The following ENPP1 variants were observed in gnomAD, a reference collection of about 807,000 sequenced individuals.
ENPP1 encodes the protein ectonucleotide pyrophosphatase/phosphodiesterase 1, also known as ectonucleotide pyrophosphatase/phosphodiesterase family member 1.
Under a neutral mutation model 122.8 loss-of-function variants are expected in ENPP1, and 73 were observed. The observed-to-expected ratio is 0.59, with a 90% CI of 0.49 to 0.72. ENPP1 has a LOEUF of 0.72. Ranked by LOEUF, ENPP1 falls within the 30% of genes least tolerant of loss-of-function variation. The pLI, the probability that ENPP1 is intolerant of heterozygous loss-of-function variation, is 0.00. For synonymous variants in ENPP1, 367 were observed against 391.6 expected, an observed-to-expected ratio of 0.94 and a Z score of 0.74; for missense variants, 978 against 1,128.1, an observed-to-expected ratio of 0.87 and a Z score of 1.91.
intron 1 of ENPP1, among the ~76,000 whole-genome samples, chr6:131,810,200 A>G (rs1299156929): frequency 6.6e-6 from 1 of 152,124 alleles, no homozygotes; most frequent in Non-Finnish European, 1.5e-5. Context: ...TCTACAAAAG[A>G]TACAAAAATT....
chr6:131,846,852 TA>T (rs1444231975), intron 1 of ENPP1, among the ~76,000 whole-genome samples: 1 of 152,222 alleles, frequency 6.6e-6, no homozygotes, highest in Non-Finnish European at 1.5e-5. Context: ...CTTTGTCTTC[TA>T]ACTCACAGAA....
At position 131,873,024 on chromosome 6, in the gene ENPP1, T is replaced by C; in HGVS notation, c.1539T>C (p.Tyr513=). 6.2e-7 allele frequency: 1 copy of C among 1,613,822 alleles called. No individual in the cohort carries two copies. The highest frequency in any genetic ancestry group is 8.5e-7 in the Non-Finnish European group (1 of 1,179,752). The stretch of plus-strand genomic sequence containing the variant: ...ATAGAATTGAGCCCTTGACATTCTA[T>C]TTGGACCCTCAGTGGCAACTTGCAT... ...KSDRIEPLTF[Y]LDPQWQLALN... The change falls in exon 15 of 25, where the codon TAT becomes TAC. Residue 513 remains tyrosine (Y), a synonymous_variant. Transcript: ENST00000647893.
chr6:131,877,299 G>A, intron 18 of ENPP1, 138 bp downstream of exon 18: 1 of 806,164 alleles, frequency 1.2e-6, no homozygotes, highest in Non-Finnish European at 2.1e-6. Context: ...AATTCTAGGG[G>A]GCGCATGTAG....
chr6:131,881,814 C>A (rs562711925), intron 20 of ENPP1, among the ~76,000 whole-genome samples: 5 of 151,938 alleles, frequency 3.3e-5, no homozygotes, highest in African/African-American at 1.2e-4. Context: ...AGGTCAGGAG[C>A]TCAAGACCAG....
intron 1 of ENPP1, among the ~76,000 whole-genome samples, chr6:131,817,754 T>TAC (rs138209749): frequency 0.078 from 11,389 of 146,322 alleles, 478 homozygotes; most frequent in African/African-American, 0.11. Context: ...TCTCTCTCCA[T>TAC]ACACACACAC....
At position 131,871,996 on chromosome 6, in the gene ENPP1, A is replaced by C; in HGVS notation, c.1406-74A>C. 8 of 1,105,474 alleles carry C rather than the reference A, an allele frequency of 7.2e-6. No homozygotes were observed. In the South Asian group the frequency reaches 8.9e-5, roughly 12 times the overall value. 68.5% of individuals were successfully genotyped at this position (1,105,474 alleles called of 1,614,324 possible). On this transcript the variant is annotated intron_variant, in intron 13 of 24. Coordinates refer to ENST00000647893, the MANE Select transcript of ENPP1 (RefSeq NM_006208.3). ...TTTAAATGCAGAGTTTGGATCTGAC[A>C]TTCTATATTTTTGTATTATGTTTTA...
intron 8 of ENPP1, 53 bp from the exon 9 acceptor site, chr6:131,861,542 T>C (rs1585824009): frequency 8.7e-7 from 1 of 1,151,810 alleles, no homozygotes; most frequent in East Asian, 2.3e-5. Context: ...CATACTTTCC[T>C]AAGAGATGAA....
At chr6:131,830,818 A>C (rs1349193008) in intron 1 of ENPP1, among the ~76,000 whole-genome samples, 2 of 151,758 alleles carry the variant, frequency 1.3e-5, no homozygotes, top group African/African-American at 4.8e-5. Context: ...AAACAATAAT[A>C]AAAAAAATAG....
At chr6:131,810,747 G>A (rs1181546074) in intron 1 of ENPP1, among the ~76,000 whole-genome samples, 1 of 152,152 alleles carries the variant, frequency 6.6e-6, no homozygotes, top group Non-Finnish European at 1.5e-5. Context: ...CCTTTCAGAG[G>A]CAATCATGTT....
chr6:131,855,074 G>A, intron 6 of ENPP1, 51 bp downstream of exon 6: 2 of 1,258,078 alleles, frequency 1.6e-6, no homozygotes, highest in Non-Finnish European at 2.3e-6. Context: ...CAGTGAGATT[G>A]ACTAGGCAGG....
At chr6:131,867,775 C>T (rs1782108507) in intron 11 of ENPP1, among the ~76,000 whole-genome samples, 1 of 152,160 alleles carries the variant, frequency 6.6e-6, no homozygotes. Flanking sequence ...AGAATTAGGA[C>T]TCTTGCATTG....
At chr6:131,886,340 A>G (rs952770775) in intron 23 of ENPP1, among the ~76,000 whole-genome samples, 1 of 152,258 alleles carries the variant, frequency 6.6e-6, no homozygotes, top group Admixed American at 6.5e-5. Context: ...ATAAACTTCT[A>G]CAGAAAATAA....
intron 15 of ENPP1, 100 bp downstream of exon 15, chr6:131,873,150 A>G (rs971266777): frequency 1.1e-5 from 14 of 1,294,410 alleles, no homozygotes; most frequent in African/African-American, 2.9e-5. Flanking sequence ...TGAAAACTGT[A>G]TAAGTATGAT....
chr6:131,865,455 A>G (rs1424206554), intron 11 of ENPP1, among the ~76,000 whole-genome samples: 1 of 152,192 alleles, frequency 6.6e-6, no homozygotes, highest in East Asian at 1.9e-4. Flanking sequence ...TTCCTAGGAA[A>G]CTAGAGGTAC....
At chr6:131,852,285 A>G (rs749483122) in intron 5 of ENPP1, 50 bp downstream of exon 5, 3 of 1,112,322 alleles carry the variant, frequency 2.7e-6, no homozygotes, top group Non-Finnish European at 4.1e-6. Flanking sequence ...GAAGTACAGC[A>G]TCATTTTTTT....
At chr6:131,811,030 G>C (rs76819817) in intron 1 of ENPP1, among the ~76,000 whole-genome samples, 2,235 of 152,244 alleles carry the variant, frequency 0.015, 34 homozygotes, top group Non-Finnish European at 0.019. Flanking sequence ...CAGTAGGTAT[G>C]TTAAATATTA....
At chr6:131,877,900 G>T (rs1353665876) in intron 18 of ENPP1, 3 of 83,058 alleles carry the variant, frequency 3.6e-5, no homozygotes, top group South Asian at 4.5e-4. Flanking sequence ...TATATATATA[G>T]CAATTTGGAG....
chr6:131,860,600 G>T (rs780262021), intron 8 of ENPP1, 94 bp downstream of exon 8: 1 of 952,880 alleles, frequency 1.0e-6, no homozygotes, highest in Non-Finnish European at 1.6e-6. Context: ...TTTAATAACT[G>T]ATTTCATTTA....
chr6:131,846,795 T>C (rs1341864155), intron 1 of ENPP1, among the ~76,000 whole-genome samples: 2 of 152,220 alleles, frequency 1.3e-5, no homozygotes, highest in Non-Finnish European at 2.9e-5. Flanking sequence ...AAGGAAACTT[T>C]GTCACACTAA....
Sources: gnomAD v4.1 joint callset for allele counts (sites outside exome capture counted in the v4.1 genomes callset) on GRCh38, gnomAD v4.1.1 for gene constraint, MANE v1.5 for transcripts, NCBI Gene and HGNC (gene_info 2026-07-23, HGNC 2026-07-21) for gene names.